PDZD8: variants seen among roughly 807,000 people sequenced by gnomAD.
The protein encoded by PDZD8 is PDZ domain-containing protein 8.
In PDZD8, 14 loss-of-function variants were observed where a neutral mutation model predicts 85.8. The ratio of observed to expected loss-of-function variants is 0.16; its 90% CI spans 0.11 to 0.26. The LOEUF (loss-of-function observed/expected upper bound fraction) is 0.26. Ranked by LOEUF, PDZD8 falls within the 10% of genes least tolerant of loss-of-function variation. The pLI, the probability that PDZD8 is intolerant of heterozygous loss-of-function variation, is 1.00. For synonymous variants in PDZD8, 592 were observed against 568.6 expected (o/e 1.04, Z -0.59); for missense variants, 1,197 against 1,424.3 (o/e 0.84, Z 2.57).
At chr10:117,355,523 A>G (rs1184003525) in intron 1 of PDZD8, among the ~76,000 whole-genome samples, 3 of 152,222 alleles carry the variant, frequency 2.0e-5, no homozygotes, top group Non-Finnish European at 4.4e-5. Flanking sequence ...CTCTGGAGCC[A>G]CACAGCTTGG....
intron 1 of PDZD8, 76 bp from the exon 2 acceptor site, chr10:117,341,178 AC>A (rs1290675739): frequency 5.4e-6 from 8 of 1,469,158 alleles, no homozygotes; most frequent in South Asian, 3.6e-5. Flanking sequence ...ACTCACCTGT[AC>A]AAAAACACAA....
At chr10:117,288,212 A>G (rs1795493904) in intron 4 of PDZD8, among the ~76,000 whole-genome samples, 1 of 152,174 alleles carries the variant, frequency 6.6e-6, no homozygotes, top group African/African-American at 2.4e-5. Flanking sequence ...ACTATCATCA[A>G]TTATATACCC....
At chr10:117,330,347 A>G (rs1419241325) in intron 2 of PDZD8, among the ~76,000 whole-genome samples, 1 of 152,146 alleles carries the variant, frequency 6.6e-6, no homozygotes, top group Non-Finnish European at 1.5e-5. Flanking sequence ...AAATCTAACC[A>G]TGCCTTACTA....
chr10:117,366,294 G>A (rs775758707), intron 1 of PDZD8, among the ~76,000 whole-genome samples: 1 of 152,044 alleles, frequency 6.6e-6, no homozygotes, highest in Non-Finnish European at 1.5e-5. Flanking sequence ...AGCTTCAAGG[G>A]AACTATGAAC....
intron 2 of PDZD8, among the ~76,000 whole-genome samples, chr10:117,321,245 T>A (rs1844220587): frequency 6.6e-6 from 1 of 152,128 alleles, no homozygotes; most frequent in African/African-American, 2.4e-5. Flanking sequence ...ACAAGCCAAA[T>A]ATCCATCAAA....
At chr10:117,313,484 AT>A (rs1455033703) in intron 3 of PDZD8, among the ~76,000 whole-genome samples, 10 of 152,176 alleles carry the variant, frequency 6.6e-5, no homozygotes, top group African/African-American at 2.4e-4. Flanking sequence ...TAAATCATTT[AT>A]GAAAAATGAT....
In PDZD8 at chr10:117,369,133, C is replaced by T. The variant is rs569272078; in HGVS notation, c.872+5223G>A. Among the ~76,000 whole-genome samples, 44 of 151,440 alleles carry T rather than the reference C, an allele frequency of 2.9e-4. 1 individual carries two copies. Among genetic ancestry groups the T allele is most frequent in the Non-Finnish European group, 5.7e-4 (39 of 67,864 alleles). On this transcript the variant is annotated intron_variant, in intron 1 of 4. Transcript: ENST00000334464. ...ACAGGCATCAGCCACCACGCCAGGC[C>T]TGACAATGTCTTTTATTTATTTATT...
At chr10:117,314,467 G>A (rs576984946) in intron 3 of PDZD8, among the ~76,000 whole-genome samples, 61 of 152,234 alleles carry the variant, frequency 4.0e-4, no homozygotes, top group African/African-American at 1.4e-3. Flanking sequence ...GTAACACTCA[G>A]AAAGAATATA....
chr10:117,312,114 A>T (rs1844048552), intron 3 of PDZD8, among the ~76,000 whole-genome samples: 1 of 152,128 alleles, frequency 6.6e-6, no homozygotes, highest in Non-Finnish European at 1.5e-5. Context: ...GGGCCCAAGA[A>T]TGTATCCGAG....
chr10:117,299,283 G>C (rs982540706), intron 3 of PDZD8, among the ~76,000 whole-genome samples: 8 of 152,134 alleles, frequency 5.3e-5, no homozygotes, highest in Admixed American at 1.3e-4. Flanking sequence ...ATCCACAGTT[G>C]ATTGAATCTG....
chr10:117,310,364 C>G (rs551463965), intron 3 of PDZD8, among the ~76,000 whole-genome samples: 62 of 152,304 alleles, frequency 4.1e-4, no homozygotes, highest in African/African-American at 1.5e-3. Context: ...ACGAATTTTC[C>G]TTGAAGGGAA....
chr10:117,365,923 T>C (rs949012103), intron 1 of PDZD8, among the ~76,000 whole-genome samples: 1 of 152,118 alleles, frequency 6.6e-6, no homozygotes, highest in African/African-American at 2.4e-5. Context: ...AAATGTTGAG[T>C]CAGTATTTAA....
intron 2 of PDZD8, among the ~76,000 whole-genome samples, chr10:117,325,531 T>C (rs1844301744): frequency 2.0e-5 from 3 of 150,012 alleles, no homozygotes; most frequent in Non-Finnish European, 1.5e-5. Context: ...ACCTCCCAAG[T>C]AGCTGGGATT....
At chr10:117,352,578 T>A (rs1257735516) in intron 1 of PDZD8, among the ~76,000 whole-genome samples, 1 of 152,204 alleles carries the variant, frequency 6.6e-6, no homozygotes, top group African/African-American at 2.4e-5. Flanking sequence ...TGGAAAAGCC[T>A]TTTATCTCCT....
chr10:117,360,645 A>G (rs1844981610), intron 1 of PDZD8, among the ~76,000 whole-genome samples: 1 of 152,070 alleles, frequency 6.6e-6, no homozygotes. Flanking sequence ...TAAATGGTGC[A>G]GTCAAAACTA....
intron 1 of PDZD8, among the ~76,000 whole-genome samples, chr10:117,372,762 C>T (rs190770279): frequency 7.4e-4 from 113 of 152,306 alleles, no homozygotes; most frequent in South Asian, 1.4e-3. Flanking sequence ...GGAAATATTT[C>T]CATTACAAAG....
At chr10:117,326,510 G>A (rs370204997) in intron 2 of PDZD8, among the ~76,000 whole-genome samples, 6 of 152,266 alleles carry the variant, frequency 3.9e-5, no homozygotes, top group South Asian at 2.1e-4. Context: ...TTTGCTTGGC[G>A]CAGGATAATG....
At chr10:117,305,596 T>G (rs920717984) in intron 3 of PDZD8, among the ~76,000 whole-genome samples, 4 of 151,942 alleles carry the variant, frequency 2.6e-5, no homozygotes, top group African/African-American at 9.7e-5. Flanking sequence ...ATCTCACATG[T>G]TGAGGATCCC....
At chr10:117,342,393 TACACAC>T (rs59113065) in intron 1 of PDZD8, among the ~76,000 whole-genome samples, 21,111 of 145,626 alleles carry the variant, frequency 0.14, 1,729 homozygotes, top group East Asian at 0.4. Flanking sequence ...CACAAACAGA[TACACAC>T]ACACACACAC....
Sources: gnomAD v4.1 joint callset for allele counts (sites outside exome capture counted in the v4.1 genomes callset) on GRCh38, gnomAD v4.1.1 for gene constraint, MANE v1.5 for transcripts, NCBI Gene and HGNC (gene_info 2026-07-23, HGNC 2026-07-21) for gene names.